The following PDE2A variants were observed in gnomAD, a reference collection of about 807,000 sequenced individuals.
PDE2A encodes phosphodiesterase 2A, also known as cGMP-dependent 3',5'-cyclic phosphodiesterase.
In PDE2A, 53 loss-of-function variants were observed where a neutral mutation model predicts 133.6. The ratio of observed to expected loss-of-function variants is 0.40; its 90% CI spans 0.32 to 0.50. PDE2A has a LOEUF of 0.50. Ranked by LOEUF, PDE2A falls within the 20% of genes least tolerant of loss-of-function variation. The pLI is 0.73. For synonymous variants in PDE2A, 491 were observed against 490.2 expected, an observed-to-expected ratio of 1.00 and a Z score of -0.02; for missense variants, 796 against 1,232.4, an observed-to-expected ratio of 0.65 and a Z score of 5.30.
intron 2 of PDE2A, among the ~76,000 whole-genome samples, chr11:72,612,463 G>T (rs1199319368): frequency 6.6e-6 from 1 of 152,130 alleles, no homozygotes; most frequent in African/African-American, 2.4e-5. Flanking sequence ...GTAGAAAAGA[G>T]CCGCAATTTC....
intron 23 of PDE2A, among the ~76,000 whole-genome samples, 160 bp from the exon 24 acceptor site, chr11:72,581,133 C>T (rs1478976655): frequency 6.6e-6 from 1 of 152,192 alleles, no homozygotes; most frequent in Non-Finnish European, 1.5e-5. Flanking sequence ...GGTTTGGAGC[C>T]CAGCAGACCC....
At chr11:72,608,417 G>T (rs892757049) in intron 3 of PDE2A, among the ~76,000 whole-genome samples, 2 of 152,044 alleles carry the variant, frequency 1.3e-5, no homozygotes, top group Admixed American at 6.6e-5. Flanking sequence ...AACCTCTAAG[G>T]CCCCTTCTGG....
intron 4 of PDE2A, among the ~76,000 whole-genome samples, chr11:72,603,704 C>A (rs188238208): frequency 3.3e-5 from 5 of 152,332 alleles, no homozygotes; most frequent in Admixed American, 3.3e-4. Context: ...ACCTTTCAGA[C>A]CATCCTCTTA....
At chr11:72,627,190 CA>C (rs1222339956) in intron 2 of PDE2A, among the ~76,000 whole-genome samples, 1 of 152,204 alleles carries the variant, frequency 6.6e-6, no homozygotes, top group Non-Finnish European at 1.5e-5. Context: ...TACCATATAC[CA>C]GGCCTATACC....
At chr11:72,579,683 A>T in intron 25 of PDE2A, 75 bp from the exon 26 acceptor site, 2 of 1,043,278 alleles carry the variant, frequency 1.9e-6, no homozygotes, top group South Asian at 2.8e-5. Flanking sequence ...GAGAGGAAGC[A>T]GGGGCCTCGT....
intron 2 of PDE2A, among the ~76,000 whole-genome samples, chr11:72,615,322 A>T (rs1018732376): frequency 7.2e-5 from 11 of 152,122 alleles, no homozygotes; most frequent in African/African-American, 2.4e-4. Context: ...GCACCCTTGG[A>T]TCCATCAGGA....
At chr11:72,616,947 C>G (rs998523719) in intron 2 of PDE2A, among the ~76,000 whole-genome samples, 6 of 152,214 alleles carry the variant, frequency 3.9e-5, no homozygotes, top group Non-Finnish European at 8.8e-5. Context: ...CTCATGTAGT[C>G]CAATCCCAAG....
intron 25 of PDE2A, among the ~76,000 whole-genome samples, chr11:72,580,081 G>A (rs1420454067): frequency 6.6e-6 from 1 of 152,176 alleles, no homozygotes. Flanking sequence ...CCTCCTGGGA[G>A]AGAGACAGAG....
chr11:72,611,230 A>G (rs574756738), intron 2 of PDE2A, among the ~76,000 whole-genome samples: 12 of 152,310 alleles, frequency 7.9e-5, no homozygotes, highest in African/African-American at 2.9e-4. Context: ...CAGAGAGCTA[A>G]GTCTCCCCAT....
At chr11:72,591,116 C>T in intron 7 of PDE2A, 181 bp downstream of exon 7, 1 of 641,712 alleles carries the variant, frequency 1.6e-6, no homozygotes, top group South Asian at 1.9e-5. Context: ...TCATTATCCC[C>T]ATTTTCAGGT....
rs182481400 is a variant in PDE2A at position 72,576,962 on chromosome 11, G to A, written c.*422C>T. ...GATGCCACACTCTGCTCACTCAGAT[G>A]TCTCACCTTCCCCTTCCATGAGGAT... On this transcript the variant is annotated 3_prime_UTR_variant, in exon 31 of 31. Transcript: ENST00000334456. 8 of 191,926 alleles carry A rather than the reference G, an allele frequency of 4.2e-5. No homozygotes were observed. The highest frequency in any genetic ancestry group is 5.1e-4 in the Middle Eastern group (1 of 1,974). The allele number at this position is 191,926 out of a possible 1,614,324, so 11.9% of individuals were successfully genotyped here. A position where few individuals can be genotyped will look rare whatever the true frequency, so the allele number is the denominator to read the frequency against.
At chr11:72,634,412 T>A (rs1858579012) in intron 2 of PDE2A, among the ~76,000 whole-genome samples, 1 of 151,876 alleles carries the variant, frequency 6.6e-6, no homozygotes, top group Non-Finnish European at 1.5e-5. Flanking sequence ...CCAGGGGAAG[T>A]GGGGGAGGCT....
intron 1 of PDE2A, among the ~76,000 whole-genome samples, chr11:72,671,380 C>A (rs1011161636): frequency 7.9e-5 from 12 of 152,292 alleles, no homozygotes; most frequent in African/African-American, 2.9e-4. Flanking sequence ...TAGGCCCAAG[C>A]AGCAGAAGCC....
intron 2 of PDE2A, among the ~76,000 whole-genome samples, chr11:72,616,310 C>A (rs1285313742): frequency 6.6e-6 from 1 of 152,204 alleles, no homozygotes; most frequent in Non-Finnish European, 1.5e-5. Context: ...CCACCTGGGG[C>A]TCCCACTGCC....
chr11:72,634,046 C>T (rs911399495), intron 2 of PDE2A, among the ~76,000 whole-genome samples: 1 of 152,208 alleles, frequency 6.6e-6, no homozygotes, highest in Non-Finnish European at 1.5e-5. Flanking sequence ...GGTGATCTCC[C>T]AGGGCCCTTC....
intron 1 of PDE2A, among the ~76,000 whole-genome samples, chr11:72,670,964 C>A (rs1296108312): frequency 6.6e-6 from 1 of 152,114 alleles, no homozygotes; most frequent in African/African-American, 2.4e-5. Flanking sequence ...AGAAAATGAC[C>A]CAAACGCCCT....
In PDE2A at chr11:72,588,332, C is replaced by CA. The variant is rs552028262; in HGVS notation, c.1070+451dup. The stretch of plus-strand genomic sequence containing the variant: ...TTTCCTGTCCACTGTGCCCTGCCCA[C>CA]AAAAAAAGAGATTTTTGTGTATCAT... On this transcript the variant is annotated intron_variant, in intron 13 of 30. Transcript: ENST00000334456. Among the ~76,000 whole-genome samples, 882 of 152,144 alleles carry CA rather than the reference C, an allele frequency of 5.8e-3. 34 individuals carry two copies. Among genetic ancestry groups the CA allele is most frequent in the Non-Finnish European group, 1.4e-3 (92 of 67,992 alleles).
At chr11:72,594,366 A>G (rs1415741938) in intron 6 of PDE2A, among the ~76,000 whole-genome samples, 1 of 152,174 alleles carries the variant, frequency 6.6e-6, no homozygotes, top group African/African-American at 2.4e-5. Flanking sequence ...GCAGCTGGGA[A>G]GTCTGGGGCT....
chr11:72,602,492 G>A (rs1856800009), intron 4 of PDE2A, among the ~76,000 whole-genome samples: 1 of 152,182 alleles, frequency 6.6e-6, no homozygotes, highest in Non-Finnish European at 1.5e-5. Context: ...CACTGCTAGA[G>A]CCTCAGGCTC....
Sources: gnomAD v4.1 joint callset for allele counts (sites outside exome capture counted in the v4.1 genomes callset) on GRCh38, gnomAD v4.1.1 for gene constraint, MANE v1.5 for transcripts, NCBI Gene and HGNC (gene_info 2026-07-23, HGNC 2026-07-21) for gene names.